Variants in MAST2 observed in about 807,000 individuals in gnomAD.
MAST2 encodes the protein microtubule associated serine/threonine kinase 2.
MAST2 carries 70 observed loss-of-function variants against 147.4 expected under a neutral mutation model. That is an observed-to-expected ratio of 0.47 (90% CI 0.39 to 0.58). The LOEUF (loss-of-function observed/expected upper bound fraction) is 0.58, where lower values mean the gene tolerates loss of function less well. Ranked by LOEUF, MAST2 falls within the 20% of genes least tolerant of loss-of-function variation. MAST2 has a pLI of 0.00. For missense variants in MAST2, 2,080 were observed against 2,302.3 expected, an observed-to-expected ratio of 0.90 and a Z score of 1.98; for synonymous variants, 869 against 896.8, an observed-to-expected ratio of 0.97 and a Z score of 0.55.
chr1:45,951,699 T>C (rs1050360023), intron 4 of MAST2, among the ~76,000 whole-genome samples: 4 of 152,232 alleles, frequency 2.6e-5, no homozygotes, highest in African/African-American at 7.2e-5. Context: ...TATTGTGTTG[T>C]TGAAATTGAA....
intron 1 of MAST2, among the ~76,000 whole-genome samples, chr1:45,806,181 A>G (rs1405863286): frequency 2.0e-5 from 3 of 151,618 alleles, no homozygotes; most frequent in Admixed American, 6.6e-5. Context: ...TCCTAGCACT[A>G]CTCTTTTACA....
chr1:46,027,946 C>T, intron 17 of MAST2, 83 bp downstream of exon 17: 1 of 1,521,446 alleles, frequency 6.6e-7, no homozygotes, highest in Non-Finnish European at 9.0e-7. Flanking sequence ...AATCCCAACC[C>T]TTTGGGAGGC....
At chr1:45,913,775 A>T in intron 4 of MAST2, 1 of 1,115,016 alleles carries the variant, frequency 9.0e-7, no homozygotes, top group African/African-American at 1.7e-5. Flanking sequence ...CCCTTGTGTG[A>T]GAGAACTTCC....
intron 3 of MAST2, among the ~76,000 whole-genome samples, chr1:45,866,635 G>T (rs761244058): frequency 2.6e-5 from 4 of 152,106 alleles, no homozygotes; most frequent in Non-Finnish European, 5.9e-5. Flanking sequence ...TTCCTCTCGA[G>T]TCTTTGTTTC....
chr1:45,949,584 T>C (rs1570889222), intron 4 of MAST2, among the ~76,000 whole-genome samples: 2 of 152,194 alleles, frequency 1.3e-5, no homozygotes, highest in South Asian at 4.2e-4. Flanking sequence ...GCTGGCAAGG[T>C]TGTGGAGGAA....
chr1:45,849,755 T>G (rs1347565695), intron 3 of MAST2, among the ~76,000 whole-genome samples: 1 of 152,174 alleles, frequency 6.6e-6, no homozygotes, highest in Non-Finnish European at 1.5e-5. Context: ...CTGGATCTCC[T>G]GACGTCGTGA....
In MAST2 at chr1:45,824,509, T is replaced by C. The variant is rs777754009; in HGVS notation, c.254T>C (p.Val85Ala). 6.2e-7 allele frequency: 1 copy of C among 1,612,330 alleles called. No homozygotes were observed. ...GACATATTTTCATCCACTGGAAAAG[T>C]TAAACTTCAGCGACAACTGAGTCAG... ...NPDIFSSTGK[V>A]KLQRQLSQDD... is the part of the protein sequence containing the mutation. Residue 85 changes from valine to alanine, a missense_variant, in exon 2 of 29, where the codon GTT becomes GCT. Coordinates refer to ENST00000361297, the MANE Select transcript of MAST2 (RefSeq NM_015112.3).
intron 4 of MAST2, among the ~76,000 whole-genome samples, chr1:45,916,993 G>A (rs1317773384): frequency 6.6e-6 from 1 of 152,166 alleles, no homozygotes; most frequent in Non-Finnish European, 1.5e-5. Flanking sequence ...CAGGAGAATC[G>A]CTTGAACCCA....
intron 5 of MAST2, among the ~76,000 whole-genome samples, chr1:45,994,570 C>G (rs548062062): frequency 6.6e-6 from 1 of 151,936 alleles, no homozygotes; most frequent in Non-Finnish European, 1.5e-5. Flanking sequence ...AGTGCTAGCA[C>G]TCCCTGGTGC....
In MAST2 at chr1:45,931,385, T is replaced by TTTG. The variant is rs1655277757; in HGVS notation, c.501-27999_501-27998insGTT. ...AGGTGGTATTGTGTTCTGTTTTTTT[T>TTTG]TTTTTTTTTTTTTTGAGATAGAGTC... On this transcript the variant is annotated intron_variant, in intron 4 of 28. Transcript: ENST00000361297. 2.0e-5 allele frequency among the ~76,000 whole-genome samples: 3 copies of TTTG among 147,684 alleles called. No homozygotes were observed. The South Asian group carries it at 6.6e-4, about 32-fold the overall frequency.
At chr1:45,916,328 G>T (rs1242112561) in intron 4 of MAST2, among the ~76,000 whole-genome samples, 1 of 152,158 alleles carries the variant, frequency 6.6e-6, no homozygotes, top group Non-Finnish European at 1.5e-5. Flanking sequence ...AATGGTGTGT[G>T]TATAGAAAGC....
chr1:45,888,766 C>G (rs1308124659), intron 4 of MAST2, among the ~76,000 whole-genome samples: 1 of 145,222 alleles, frequency 6.9e-6, no homozygotes, highest in Admixed American at 7.1e-5. Context: ...ACTGCAACCT[C>G]CGCCTCCCAG....
intron 1 of MAST2, among the ~76,000 whole-genome samples, chr1:45,811,056 G>T (rs1437392363): frequency 6.6e-6 from 1 of 151,530 alleles, no homozygotes; most frequent in Non-Finnish European, 1.5e-5. Context: ...TTTCCATGTT[G>T]GTCAGGCTGG....
chr1:45,881,450 C>T (rs2148290775), intron 3 of MAST2, among the ~76,000 whole-genome samples: 1 of 152,062 alleles, frequency 6.6e-6, no homozygotes. Context: ...TTTACAAATC[C>T]AAAAACACGT....
chr1:45,855,003 C>T (rs559817679), intron 3 of MAST2, among the ~76,000 whole-genome samples: 1 of 152,272 alleles, frequency 6.6e-6, no homozygotes, highest in Admixed American at 6.5e-5. Flanking sequence ...CCTCCAGGTA[C>T]CTGCATGTGG....
intron 1 of MAST2, among the ~76,000 whole-genome samples, chr1:45,808,702 C>T (rs1430350351): frequency 6.6e-6 from 1 of 152,164 alleles, no homozygotes; most frequent in Non-Finnish European, 1.5e-5. Flanking sequence ...GTCTCTTAAC[C>T]TCTAATATAT....
intron 4 of MAST2, among the ~76,000 whole-genome samples, chr1:45,954,953 AGTTT>A (rs1368605905): frequency 2.0e-5 from 3 of 148,182 alleles, no homozygotes; most frequent in African/African-American, 7.4e-5. Context: ...TAGATATAAC[AGTTT>A]GATTTACCTT....
intron 5 of MAST2, among the ~76,000 whole-genome samples, chr1:45,966,920 A>G (rs1661306018): frequency 7.7e-6 from 1 of 130,614 alleles, no homozygotes; most frequent in African/African-American, 2.9e-5. Flanking sequence ...AGGTTGGAGT[A>G]TGGTGGCACA....
intron 10 of MAST2, among the ~76,000 whole-genome samples, chr1:46,017,448 G>T (rs1645999402): frequency 6.6e-6 from 1 of 152,066 alleles, no homozygotes. Flanking sequence ...CTAATATCCA[G>T]AATCTACAAT....
Sources: gnomAD v4.1 joint callset for allele counts (sites outside exome capture counted in the v4.1 genomes callset) on GRCh38, gnomAD v4.1.1 for gene constraint, MANE v1.5 for transcripts, NCBI Gene and HGNC (gene_info 2026-07-23, HGNC 2026-07-21) for gene names.